TBX2: variants seen among roughly 807,000 people sequenced by gnomAD.
The protein encoded by TBX2 is T-box transcription factor TBX2.
TBX2 carries 19 observed loss-of-function variants against 48.4 expected under a neutral mutation model. The ratio of observed to expected loss-of-function variants is 0.39; its 90% CI spans 0.27 to 0.58. The LOEUF (loss-of-function observed/expected upper bound fraction) is 0.58. Ranked by LOEUF, TBX2 falls within the 20% of genes least tolerant of loss-of-function variation. The probability of loss-of-function intolerance (pLI) is 0.54; values close to 1 mark genes in which losing one functional copy is unlikely to be tolerated. For synonymous variants in TBX2, 522 were observed against 459.7 expected (o/e 1.14, Z -1.73); for missense variants, 994 against 1,006.5 (o/e 0.99, Z 0.17).
chr17:61,405,376 C>T lies in TBX2; in HGVS notation c.1226C>T (p.Ala409Val), dbSNP rs1197824727. Residue 409 changes from alanine to valine, a missense_variant, in exon 6 of 7, where the codon GCC (alanine) becomes GTC (valine). Transcript: ENST00000240328. ...RRSPERGKEP[A>V]ESGGDGPFGL... is the part of the protein sequence containing the mutation. ...AGTCCCGAGAGGGGCAAGGAGCCGG[C>T]CGAGAGCGGCGGGGACGGCCCGTTC... 1 of 1,546,708 alleles carries T rather than the reference C, an allele frequency of 6.5e-7. No individual in the cohort carries two copies. Among genetic ancestry groups the T allele is most frequent in the Non-Finnish European group, 8.7e-7 (1 of 1,150,850 alleles).
chr17:61,401,586 G>A (rs767832148), intron 1 of TBX2, 98 bp from the exon 2 acceptor site: 6 of 1,463,612 alleles, frequency 4.1e-6, no homozygotes, highest in South Asian at 1.4e-5. Context: ...AGGCGGCAGC[G>A]GTGTGCGCAA....
rs766552926 is a variant in TBX2, at chr17:61,404,640, G to C, written c.922G>C (p.Glu308Gln). 5 of 1,582,304 alleles carry C rather than the reference G, an allele frequency of 3.2e-6. No homozygotes were observed. Among genetic ancestry groups the C allele is most frequent in the Admixed American group, 1.8e-5 (1 of 56,322 alleles). ...GACGCTGCCGTCTCTACGCTTGTAC[G>C]AGGAGCACTGCAAACCCGAGCGCGA... The part of the protein sequence containing the change: ...QLTLPSLRLY[E>Q]EHCKPERDGA... The change falls in exon 5 of 7, where the codon GAG becomes CAG. Residue 308 changes from glutamate to glutamine, a missense_variant. By Grantham distance (29) the Glu-to-Gln change is conservative. This residue lies in a region of TBX2 where 639 missense variants were observed against 613.2 expected (regional missense o/e 1.04). Coordinates refer to ENST00000240328, the MANE Select transcript of TBX2 (RefSeq NM_005994.4).
chr17:61,400,343 G>A lies in TBX2; in HGVS notation c.167G>A (p.Gly56Asp). 2 of 1,003,694 alleles carry A rather than the reference G, an allele frequency of 2.0e-6. No homozygotes were observed. The highest frequency in any genetic ancestry group is 1.7e-5 in the African/African-American group (1 of 57,192). The allele number at this position is 1,003,694 out of a possible 1,614,324, so 62.2% of individuals were successfully genotyped here. ...GALAKPLPDPGLAGAAAAAAA... is the reference protein window; with the variant it reads ...GALAKPLPDPDLAGAAAAAAA... ...CTGGCCAAGCCGCTGCCCGACCCGG[G>A]CCTGGCGGGGGCGGCGGCCGCGGCG... Residue 56 changes from glycine to aspartate, a missense_variant, in exon 1 of 7, where the codon GGC becomes GAC. Around this residue, in one of 5 missense-constraint regions of TBX2, gnomAD observed 165 missense variants for 136.8 expected, o/e 1.21. Coordinates refer to ENST00000240328, the MANE Select transcript of TBX2 (RefSeq NM_005994.4). This position sits in a 1 kb window ranked among gnomAD's most constrained non-coding sequence, Gnocchi z 9.2.
chr17:61,408,384 G>T lies in TBX2; in HGVS notation c.2017G>T (p.Gly673Cys). 1 of 1,564,710 alleles carries T rather than the reference G, an allele frequency of 6.4e-7. No homozygotes were observed. The highest frequency in any genetic ancestry group is 1.2e-5 in the South Asian group (1 of 85,410). Residue 673 changes from glycine (G) to cysteine (C), a missense_variant, in exon 7 of 7, where the codon GGT (glycine) becomes TGT (cysteine). Coordinates refer to ENST00000240328, the MANE Select transcript of TBX2 (RefSeq NM_005994.4). ...CCGCAAAGTAGGGGCCCCATCCCGC[G>T]GTGCCCTGTCGCCCAGTGGCTCGGC... ...ALRKVGAPSR[G>C]ALSPSGSAKE...
In TBX2 at chr17:61,403,314, G is replaced by A; in HGVS notation, c.810+107G>A. On this transcript the variant is annotated intron_variant, in intron 3 of 6. Coordinates refer to ENST00000240328, the MANE Select transcript of TBX2 (RefSeq NM_005994.4). The surrounding 1 kb of genome is among the most constrained non-coding windows in gnomAD (Gnocchi z 5.8). ...TCGAAGCCCCCTGCACGGGATCCGC[G>A]CTCTTGCGGCCCGCCCCCGAGCACC... 1 of 1,505,926 alleles carries A rather than the reference G, an allele frequency of 6.6e-7. No individual in the cohort carries two copies. Among genetic ancestry groups the A allele is most frequent in the Non-Finnish European group, 8.8e-7 (1 of 1,130,612 alleles). 93.3% of individuals were successfully genotyped at this position (1,505,926 alleles called of 1,614,324 possible). A position where few individuals can be genotyped will look rare whatever the true frequency, so the allele number is the denominator to read the frequency against.
In TBX2 at chr17:61,403,675, C is replaced by CT. The variant is rs2060275739; in HGVS notation, c.810+469dup. On this transcript the variant is annotated intron_variant, in intron 3 of 6. Coordinates refer to ENST00000240328, the MANE Select transcript of TBX2 (RefSeq NM_005994.4). The surrounding 1 kb of genome is among the most constrained non-coding windows in gnomAD (Gnocchi z 5.8). ...ACAGGTGACACAGCCCCCCAAAGCA[C>CT]TCCTGGCTACTGCTCTGGGTCAGTC... Among the ~76,000 whole-genome samples, 1 of 152,026 alleles carries CT rather than the reference C, an allele frequency of 6.6e-6. No individual in the cohort carries two copies. The highest frequency in any genetic ancestry group is 1.5e-5 in the Non-Finnish European group (1 of 68,020).
Position 61,404,480 on chromosome 17 carries a change from C to G in TBX2, c.870C>G (p.Asn290Lys). ...CCAAGGGCTTCCGGGACACCGGGAA[C>G]GGCCGGCGGGAGAAAAGGTGAGAGG... Reference protein sequence around the residue: ...PFAKGFRDTGNGRREKRKQLT... With the variant: ...PFAKGFRDTGKGRREKRKQLT... The change falls in exon 4 of 7, where the codon AAC becomes AAG. Residue 290 changes from asparagine (N) to lysine (K), a missense_variant. This residue lies in a region of TBX2 where 14 missense variants were observed against 43.4 expected (regional missense o/e 0.32). Transcript: ENST00000240328. 6.2e-7 allele frequency: 1 copy of G among 1,611,926 alleles called. No homozygotes were observed. Among genetic ancestry groups the G allele is most frequent in the Non-Finnish European group, 8.5e-7 (1 of 1,179,288 alleles).
In TBX2 at chr17:61,403,016, G is replaced by C. The variant is rs758801164; in HGVS notation, c.664-45G>C. 10 of 1,560,576 alleles carry C rather than the reference G, an allele frequency of 6.4e-6. No individual in the cohort carries two copies. Among genetic ancestry groups the C allele is most frequent in the South Asian group, 2.3e-5 (2 of 86,550 alleles). Reference sequence around the variant, plus strand: ...AGGTACCCAAAGAATAGAAAAGCTCGGGCCGGGGCTGGTGGCTGCCGGCTG... The same window carrying C: ...AGGTACCCAAAGAATAGAAAAGCTCCGGCCGGGGCTGGTGGCTGCCGGCTG... On this transcript the variant is annotated intron_variant, in intron 2 of 6. Coordinates refer to ENST00000240328, the MANE Select transcript of TBX2 (RefSeq NM_005994.4). This position sits in a 1 kb window ranked among gnomAD's most constrained non-coding sequence, Gnocchi z 5.8.
Position 61,401,957 on chromosome 17 carries a change from T to C in TBX2, c.663+6T>C. 1 of 1,588,708 alleles carries C rather than the reference T, an allele frequency of 6.3e-7. No individual in the cohort carries two copies. The highest frequency in any genetic ancestry group is 8.6e-7 in the Non-Finnish European group (1 of 1,165,918). Reference sequence around the variant, plus strand: ...TCTCTGACAAGCACGGCTTCGTGAGTGTTGGGGCAGGGTGGGGACGGTGCA... The same window carrying C: ...TCTCTGACAAGCACGGCTTCGTGAGCGTTGGGGCAGGGTGGGGACGGTGCA... On this transcript the variant is annotated splice_donor_region_variant and intron_variant, in intron 2 of 6. Transcript: ENST00000240328.
chr17:61,400,340 C>A lies in TBX2; in HGVS notation c.164C>A (p.Pro55Gln), dbSNP rs1048308922. Residue 55 changes from proline to glutamine, a missense_variant, in exon 1 of 7, where the codon CCG becomes CAG. Physicochemically the swap from Pro to Gln is moderately conservative, Grantham distance 76. Around this residue, in one of 5 missense-constraint regions of TBX2, gnomAD observed 165 missense variants for 136.8 expected, o/e 1.21. Transcript: ENST00000240328. The surrounding 1 kb of genome is among the most constrained non-coding windows in gnomAD (Gnocchi z 9.2). ...GCGCTGGCCAAGCCGCTGCCCGACC[C>A]GGGCCTGGCGGGGGCGGCGGCCGCG... ...PGALAKPLPDPGLAGAAAAAA... is the reference protein window; with the variant it reads ...PGALAKPLPDQGLAGAAAAAA... 2 of 1,000,292 alleles carry A rather than the reference C, an allele frequency of 2.0e-6. No homozygotes were observed. Among genetic ancestry groups the A allele is most frequent in the Non-Finnish European group, 2.4e-6 (2 of 842,464 alleles). The allele number at this position is 1,000,292 out of a possible 1,614,324, so 62.0% of individuals were successfully genotyped here.
rs940432521 is a variant in TBX2, at chr17:61,408,709, A to T, written c.*203A>T. ...ACAAGGATCAGGCTGCTGGAAACAC[A>T]GTCACTTGGGAGCTGCTGGGCTAGG... On this transcript the variant is annotated 3_prime_UTR_variant, in exon 7 of 7. Coordinates refer to ENST00000240328, the MANE Select transcript of TBX2 (RefSeq NM_005994.4). The T allele has an allele frequency of 2.1e-6, 1 of 480,902 alleles. No homozygotes were observed. The highest frequency in any genetic ancestry group is 2.0e-5 in the African/African-American group (1 of 49,488). The allele number at this position is 480,902 out of a possible 1,614,324, so 29.8% of individuals were successfully genotyped here.
Position 61,408,629 on chromosome 17 carries a change from C to T in TBX2, c.*123C>T, listed in dbSNP as rs1244257639. The T allele has an allele frequency of 8.1e-6, 8 of 984,116 alleles. No individual in the cohort carries two copies. Among genetic ancestry groups the T allele is most frequent in the African/African-American group, 1.7e-5 (1 of 58,492 alleles). The allele number at this position is 984,116 out of a possible 1,614,324, so 61.0% of individuals were successfully genotyped here. On this transcript the variant is annotated 3_prime_UTR_variant, in exon 7 of 7. Transcript: ENST00000240328. ...AAAGGAGAAAAGTGGGCTGCAGCAG[C>T]CGGAATAGAGCCTCGTCTGGCAAGT... is the stretch of plus-strand genomic sequence containing the variant.
intron 2 of TBX2, 131 bp from the exon 3 acceptor site, chr17:61,402,930 T>TATAGAGAGAGAG (rs2060269752): frequency 5.9e-6 from 1 of 170,532 alleles, no homozygotes. Context: ...GAAGAACCGA[T>TATAGAGAGAGAG]AGAGAGAGAG....
In TBX2 at chr17:61,408,471, C is replaced by T; in HGVS notation, c.2104C>T (p.Arg702Ter). The T allele has an allele frequency of 2.1e-6, 3 of 1,455,082 alleles. No individual in the cohort carries two copies. Among genetic ancestry groups the T allele is most frequent in the Non-Finnish European group, 1.8e-6 (2 of 1,100,274 alleles). The allele number at this position is 1,455,082 out of a possible 1,614,324, so 90.1% of individuals were successfully genotyped here. The change falls in exon 7 of 7, where the codon CGA (arginine) becomes TGA (stop). Residue 702 changes from arginine (R) to a stop codon, truncating the protein, a stop_gained. Coordinates refer to ENST00000240328, the MANE Select transcript of TBX2 (RefSeq NM_005994.4). LOFTEE classifies it high-confidence loss of function. ...ACTGGTGAGTGGGCTGGAGAGCCAG[C>T]GAGCCCTCTCCCCAGGCCGGGAGTC... The part of the protein sequence containing the change: ...QRLVSGLESQ[R>*]ALSPGRESPK
At chr17:61,405,079 T>C (rs1478948045) in intron 5 of TBX2, 123 bp from the exon 6 acceptor site, 80 of 1,511,832 alleles carry the variant, frequency 5.3e-5, no homozygotes, top group Non-Finnish European at 6.9e-5. Flanking sequence ...GCAGCTGCCC[T>C]TTGCCCGACT....
At position 61,400,489 on chromosome 17, in the gene TBX2, C is replaced by G; in HGVS notation, c.313C>G (p.Pro105Ala). The G allele has an allele frequency of 6.2e-7, 1 of 1,602,118 alleles. No homozygotes were observed. Among genetic ancestry groups the G allele is most frequent in the East Asian group, 2.2e-5 (1 of 44,574 alleles). ...LEPEDEVEDD[P>A]KVTLEAKELW... ...GCCCGAGGACGAGGTGGAGGACGAC[C>G]CCAAGGTGACGCTGGAGGCCAAGGA... is the stretch of plus-strand genomic sequence containing the variant. Residue 105 changes from proline (P) to alanine (A), a missense_variant, in exon 1 of 7, where the codon CCC becomes GCC. Pro to Ala is a conservative substitution (Grantham distance 27). Around this residue, in one of 5 missense-constraint regions of TBX2, gnomAD observed 23 missense variants for 46.9 expected, o/e 0.49. Transcript: ENST00000240328. This position sits in a 1 kb window ranked among gnomAD's most constrained non-coding sequence, Gnocchi z 9.2.
At position 61,408,387 on chromosome 17, in the gene TBX2, G is replaced by A; in HGVS notation, c.2020G>A (p.Ala674Thr). The A allele has an allele frequency of 6.4e-7, 1 of 1,560,870 alleles. No homozygotes were observed. Among genetic ancestry groups the A allele is most frequent in the Non-Finnish European group, 8.7e-7 (1 of 1,153,568 alleles). Reference protein sequence around the residue: ...LRKVGAPSRGALSPSGSAKEA... With the variant: ...LRKVGAPSRGTLSPSGSAKEA... ...CAAAGTAGGGGCCCCATCCCGCGGT[G>A]CCCTGTCGCCCAGTGGCTCGGCCAA... The change falls in exon 7 of 7, where the codon GCC becomes ACC. Residue 674 changes from alanine to threonine, a missense_variant. Around this residue, in one of 5 missense-constraint regions of TBX2, gnomAD observed 639 missense variants for 613.2 expected, o/e 1.04. Transcript: ENST00000240328.
intron 4 of TBX2, 31 bp from the exon 5 acceptor site, chr17:61,404,575 C>T: frequency 6.3e-7 from 1 of 1,592,844 alleles, no homozygotes; most frequent in Non-Finnish European, 8.6e-7. Context: ...GATGGGCTCC[C>T]CGCTGACCTG....
Position 61,408,198 on chromosome 17 carries a change from T to A in TBX2, c.1831T>A (p.Phe611Ile). ...AAAGSLSRSP[F>I]LGSARPRLRF... ...CGCCGGCTCCCTCTCCCGGAGCCCC[T>A]TCCTGGGCAGTGCCCGGCCCCGACT... The change falls in exon 7 of 7, where the codon TTC becomes ATC. Residue 611 changes from phenylalanine to isoleucine, a missense_variant. By Grantham distance (21) the Phe-to-Ile change is conservative (BLOSUM62 0). Transcript: ENST00000240328. The A allele has an allele frequency of 6.2e-7, 1 of 1,612,880 alleles. No individual in the cohort carries two copies. The highest frequency in any genetic ancestry group is 8.5e-7 in the Non-Finnish European group (1 of 1,179,880).
Sources: allele counts gnomAD v4.1 joint callset (sites outside exome capture counted in the v4.1 genomes callset), GRCh38; gene constraint gnomAD v4.1.1; regional missense constraint gnomAD v4.1.1; non-coding constraint Gnocchi (gnomAD v3.1); transcripts MANE v1.5; gene names NCBI Gene and HGNC (gene_info 2026-07-23, HGNC 2026-07-21).